C1QTNF3: variants seen among roughly 807,000 people sequenced by gnomAD.
C1QTNF3 encodes C1q and TNF related 3, also known as complement C1q tumor necrosis factor-related protein 3.
In C1QTNF3, 26 loss-of-function variants were observed where a neutral mutation model predicts 32.6. The observed-to-expected ratio is 0.80, with a 90% confidence interval of 0.58 to 1.11. The LOEUF is 1.11. C1QTNF3 is among the 50% of genes least tolerant of loss of function. The pLI is 0.00. For synonymous variants in C1QTNF3, 155 were observed against 146.0 expected, an observed-to-expected ratio of 1.06 and a Z score of -0.44; for missense variants, 362 against 398.2, an observed-to-expected ratio of 0.91 and a Z score of 0.77.
At chr5:34,241,951 GGGAAGGAAGGAAGGAAGGAAGGAAGGAA>G in the C1QTNF3 span, among the ~76,000 whole-genome samples, 3 of 90,206 alleles carry the variant, frequency 3.3e-5, no homozygotes, top group East Asian at 2.8e-4. Flanking sequence ...AAGGGAGGGA[GGGAAGGAAGGAAGGAAGGAAGGAAGGAA>G]GGAAGGAAGG....
the C1QTNF3 span, among the ~76,000 whole-genome samples, chr5:34,147,763 C>T: frequency 1.3e-5 from 2 of 152,146 alleles, no homozygotes; most frequent in African/African-American, 4.8e-5. Context: ...ACCTCAGCAT[C>T]ACACAACAGA....
intron 1 of C1QTNF3, among the ~76,000 whole-genome samples, chr5:34,040,839 G>T (rs1278281134): frequency 1.3e-5 from 2 of 150,916 alleles, no homozygotes; most frequent in Non-Finnish European, 2.9e-5. Context: ...ATTTGCTGTG[G>T]ATAGTCATTC....
chr5:34,208,003 A>G, the C1QTNF3 span, among the ~76,000 whole-genome samples: 858 of 151,988 alleles, frequency 5.6e-3, 6 homozygotes, highest in African/African-American at 0.018. Context: ...TGTTACCCAC[A>G]ATGGTCTCAA....
At chr5:34,032,136 A>T (rs967818516) in intron 3 of C1QTNF3, among the ~76,000 whole-genome samples, 11 of 152,232 alleles carry the variant, frequency 7.2e-5, no homozygotes, top group Non-Finnish European at 1.0e-4. Context: ...CTTAATTTTT[A>T]AAAAATGCTA....
At chr5:34,240,088 T>C in the C1QTNF3 span, among the ~76,000 whole-genome samples, 3 of 151,716 alleles carry the variant, frequency 2.0e-5, no homozygotes, top group Admixed American at 6.6e-5. Flanking sequence ...GTGAAATTAA[T>C]GAAAATGGGA....
chr5:34,080,303 C>A, the C1QTNF3 span, among the ~76,000 whole-genome samples: 1 of 151,674 alleles, frequency 6.6e-6, no homozygotes, highest in Admixed American at 6.6e-5. Flanking sequence ...TTATTAGGAT[C>A]TCAGGATTAG....
chr5:34,157,676 G>A, the C1QTNF3 span, among the ~76,000 whole-genome samples: 124 of 152,310 alleles, frequency 8.1e-4, 1 homozygote, highest in Middle Eastern at 3.4e-3. Flanking sequence ...TGTTGGCTTT[G>A]ATGCAGGATG....
the C1QTNF3 span, among the ~76,000 whole-genome samples, chr5:34,114,305 G>C: frequency 1 from 152,262 of 152,270 alleles, 76,127 homozygotes; most frequent in Middle Eastern, 1. Flanking sequence ...AGTCAAATAA[G>C]TAGCCTCAAG....
chr5:34,133,373 T>C, the C1QTNF3 span, among the ~76,000 whole-genome samples: 1 of 152,150 alleles, frequency 6.6e-6, no homozygotes, highest in African/African-American at 2.4e-5. Flanking sequence ...CATCTTCCTT[T>C]TTCCTATTTT....
chr5:34,135,585 G>T, the C1QTNF3 span, among the ~76,000 whole-genome samples: 2 of 151,798 alleles, frequency 1.3e-5, no homozygotes, highest in African/African-American at 2.4e-5. Flanking sequence ...AAATACCAAT[G>T]ACTTTCTTCA....
the C1QTNF3 span, among the ~76,000 whole-genome samples, chr5:34,197,892 C>G: frequency 6.6e-6 from 1 of 152,028 alleles, no homozygotes. Flanking sequence ...TGTCCTCTAG[C>G]TCACATGGCA....
chr5:34,189,678 A>G, the C1QTNF3 span, among the ~76,000 whole-genome samples: 510 of 148,164 alleles, frequency 3.4e-3, no homozygotes, highest in South Asian at 0.044. Context: ...CACTGCTCCC[A>G]GGAGCGGTTA....
At chr5:34,218,329 G>A in the C1QTNF3 span, 2 of 150,704 alleles carry the variant, frequency 1.3e-5, no homozygotes. Flanking sequence ...GTTTTACAGG[G>A]TTGCTCCTAT....
the C1QTNF3 span, among the ~76,000 whole-genome samples, chr5:34,225,652 C>T: frequency 2.0e-5 from 3 of 151,872 alleles, no homozygotes; most frequent in Admixed American, 6.6e-5. Flanking sequence ...TCCTTCTTTA[C>T]TCATAGTCTA....
At chr5:34,024,111 G>A in intron 4 of C1QTNF3, 103 bp from the exon 5 acceptor site, 1 of 807,166 alleles carries the variant, frequency 1.2e-6, no homozygotes. Flanking sequence ...GTCTTTTATT[G>A]ATATTCTTTG....
At chr5:34,170,387 G>A in the C1QTNF3 span, among the ~76,000 whole-genome samples, 1 of 152,082 alleles carries the variant, frequency 6.6e-6, no homozygotes, top group Non-Finnish European at 1.5e-5. Flanking sequence ...ATACTATATT[G>A]TGCATGTCAA....
At chr5:34,133,288 A>C in the C1QTNF3 span, among the ~76,000 whole-genome samples, 11 of 152,272 alleles carry the variant, frequency 7.2e-5, no homozygotes, top group East Asian at 2.1e-3. Context: ...ACAGCTCTGA[A>C]CTTTATAGGT....
the C1QTNF3 span, among the ~76,000 whole-genome samples, chr5:34,138,194 G>A: frequency 6.6e-6 from 1 of 152,138 alleles, no homozygotes; most frequent in Non-Finnish European, 1.5e-5. Context: ...TGTTGTTTAA[G>A]CCATCCAGTC....
the C1QTNF3 span, among the ~76,000 whole-genome samples, chr5:34,052,969 G>A: frequency 6.6e-6 from 1 of 152,112 alleles, no homozygotes; most frequent in Admixed American, 6.6e-5. Flanking sequence ...ACAGGGTGTT[G>A]GTGTTAAGTT....
Sources: gnomAD v4.1 joint callset for allele counts (sites outside exome capture counted in the v4.1 genomes callset) on GRCh38, gnomAD v4.1.1 for gene constraint, MANE v1.5 for transcripts, NCBI Gene and HGNC (gene_info 2026-07-23, HGNC 2026-07-21) for gene names.